TMCC2: variants seen among roughly 807,000 people sequenced by gnomAD.
The protein encoded by TMCC2 is transmembrane and coiled-coil domain family 2, also known as transmembrane and coiled-coil domains protein 2.
TMCC2 carries 16 observed loss-of-function variants against 49.4 expected under a neutral mutation model. The observed-to-expected ratio is 0.32, with a 90% CI of 0.22 to 0.49. TMCC2 has a LOEUF of 0.49. TMCC2 is among the 20% of genes least tolerant of loss of function. TMCC2 has a pLI of 0.99. For synonymous variants in TMCC2, 397 were observed against 434.1 expected (o/e 0.91, Z 1.06); for missense variants, 762 against 989.8 (o/e 0.77, Z 3.09).
intron 2 of TMCC2, among the ~76,000 whole-genome samples, chr1:205,255,217 A>AAG: frequency 1.3e-5 from 2 of 151,778 alleles, no homozygotes; most frequent in South Asian, 4.2e-4. Flanking sequence ...AAAAAAAAAA[A>AAG]AAAAAATCCT....
intron 1 of TMCC2, among the ~76,000 whole-genome samples, chr1:205,231,757 C>A (rs916673510): frequency 6.9e-6 from 1 of 144,804 alleles, no homozygotes; most frequent in African/African-American, 2.4e-5. Context: ...TTTTAATGCT[C>A]CCCTACCTCA....
intron 1 of TMCC2, among the ~76,000 whole-genome samples, chr1:205,231,325 C>T (rs1247432371): frequency 6.6e-6 from 1 of 152,054 alleles, no homozygotes; most frequent in Non-Finnish European, 1.5e-5. Flanking sequence ...GAGACAGAGT[C>T]TTGCTCTGTC....
chr1:205,230,205 G>A, intron 1 of TMCC2: 9 of 981,140 alleles, frequency 9.2e-6, no homozygotes, highest in Non-Finnish European at 1.1e-5. Context: ...TATGTTACCT[G>A]TCTGTGTGCC....
At chr1:205,262,410 T>G (rs1471822280) in intron 2 of TMCC2, among the ~76,000 whole-genome samples, 1 of 152,054 alleles carries the variant, frequency 6.6e-6, no homozygotes, top group Non-Finnish European at 1.5e-5. Flanking sequence ...GTGTCTCTTC[T>G]CTCATTCCTG....
At chr1:205,245,499 A>T (rs1475039130) in intron 2 of TMCC2, among the ~76,000 whole-genome samples, 1 of 152,198 alleles carries the variant, frequency 6.6e-6, no homozygotes, top group Non-Finnish European at 1.5e-5. Context: ...GGAAACTCAG[A>T]TATAAAGTTG....
intron 2 of TMCC2, chr1:205,268,055 G>A (rs1661420030): frequency 4.1e-6 from 4 of 985,296 alleles, no homozygotes; most frequent in Non-Finnish European, 2.4e-6. Context: ...CTGGAGAGCC[G>A]TAAGGTAATG....
At chr1:205,236,488 A>G (rs1350456470) in intron 1 of TMCC2, 1 of 152,224 alleles carries the variant, frequency 6.6e-6, no homozygotes, top group Non-Finnish European at 1.5e-5. Flanking sequence ...CAGAAAATAA[A>G]TGAACAAATA....
intron 4 of TMCC2, 107 bp downstream of exon 4, chr1:205,271,362 T>C: frequency 6.3e-7 from 1 of 1,584,784 alleles, no homozygotes; most frequent in Non-Finnish European, 8.6e-7. Context: ...CAGGCTGGCC[T>C]GTTGGCCGGG....
chr1:205,256,221 T>C, intron 2 of TMCC2: 1 of 1,493,028 alleles, frequency 6.7e-7, no homozygotes, highest in Admixed American at 2.2e-5. Context: ...AGAATCCATG[T>C]CTTTCTGAAC....
At chr1:205,270,178 C>T (rs1485243028) in intron 3 of TMCC2, among the ~76,000 whole-genome samples, 1 of 152,164 alleles carries the variant, frequency 6.6e-6, no homozygotes, top group Non-Finnish European at 1.5e-5. Flanking sequence ...TCCTGAGTAG[C>T]TGGGATTACA....
At chr1:205,229,553 G>GGC in intron 1 of TMCC2, 1 of 696,612 alleles carries the variant, frequency 1.4e-6, no homozygotes, top group Non-Finnish European at 1.7e-6. Flanking sequence ...GGCGGGGGGG[G>GGC]GGGGGTGGTG....
intron 1 of TMCC2, chr1:205,230,069 C>T: frequency 2.0e-6 from 2 of 985,456 alleles, no homozygotes; most frequent in Non-Finnish European, 2.4e-6. Context: ...TTTAATAAAG[C>T]CTATATCCTA....
intron 2 of TMCC2, among the ~76,000 whole-genome samples, chr1:205,242,838 T>A (rs908523084): frequency 6.6e-6 from 1 of 151,982 alleles, no homozygotes. Flanking sequence ...TCTTGAATAA[T>A]TTAGCCAGGG....
chr1:205,240,158 A>G (rs573795750), intron 1 of TMCC2, among the ~76,000 whole-genome samples: 23 of 152,334 alleles, frequency 1.5e-4, no homozygotes, highest in African/African-American at 5.3e-4. Context: ...CTGGTCCTCC[A>G]AGTCTCACCC....
chr1:205,254,904 A>G (rs1234777802), intron 2 of TMCC2, among the ~76,000 whole-genome samples: 1 of 152,150 alleles, frequency 6.6e-6, no homozygotes, highest in Non-Finnish European at 1.5e-5. Context: ...TCTGCTTAAT[A>G]AGAAAAAGTT....
chr1:205,230,108 A>C (rs1275021412), intron 1 of TMCC2: 2 of 985,444 alleles, frequency 2.0e-6, no homozygotes. Flanking sequence ...AGCTCACCAG[A>C]ATAAGCCAAT....
chr1:205,246,980 C>A (rs1218017055), intron 2 of TMCC2, among the ~76,000 whole-genome samples: 1 of 151,866 alleles, frequency 6.6e-6, no homozygotes, highest in African/African-American at 2.4e-5. Flanking sequence ...TCACTGTGCC[C>A]AAGATATCCA....
chr1:205,238,255 C>T (rs970299720), intron 1 of TMCC2, among the ~76,000 whole-genome samples: 2 of 151,006 alleles, frequency 1.3e-5, no homozygotes, highest in African/African-American at 4.9e-5. Context: ...TTTTTTAAAA[C>T]ACTTACTGTG....
At chr1:205,256,972 A>T (rs1298045400) in intron 2 of TMCC2, among the ~76,000 whole-genome samples, 1 of 63,330 alleles carries the variant, frequency 1.6e-5, no homozygotes, top group African/African-American at 5.9e-5. Context: ...TTTGCCCCCC[A>T]CCCCCACCCC....
Sources: gnomAD v4.1 joint callset for allele counts (sites outside exome capture counted in the v4.1 genomes callset) on GRCh38, gnomAD v4.1.1 for gene constraint, MANE v1.5 for transcripts, NCBI Gene and HGNC (gene_info 2026-07-23, HGNC 2026-07-21) for gene names.